The following ZKSCAN4 variants were observed in gnomAD, a reference collection of about 807,000 sequenced individuals.
ZKSCAN4 encodes the protein zinc finger with KRAB and SCAN domains 4.
ZKSCAN4 carries 23 observed loss-of-function variants against 30.8 expected under a neutral mutation model. The observed-to-expected ratio is 0.75, with a 90% CI of 0.54 to 1.06. The LOEUF (loss-of-function observed/expected upper bound fraction) is 1.06, where lower values mean the gene tolerates loss of function less well. ZKSCAN4 is among the 50% of genes least tolerant of loss of function. The pLI is 0.00. For synonymous variants in ZKSCAN4, 208 were observed against 252.5 expected (o/e 0.82, Z 1.67); for missense variants, 556 against 665.4 (o/e 0.84, Z 1.81).
chr6:28,248,719 T>C (rs1760850695), intron 2 of ZKSCAN4, among the ~76,000 whole-genome samples: 1 of 149,892 alleles, frequency 6.7e-6, no homozygotes, highest in Non-Finnish European at 1.5e-5. Context: ...TCCCAGCTAC[T>C]CAGGAGGCTG....
In ZKSCAN4 at chr6:28,245,041, T is replaced by A. The variant is rs1760638401; in HGVS notation, c.*75A>T. The stretch of plus-strand genomic sequence containing the variant: ...AAATAAAGCCCTGGTCCACAATTTC[T>A]GTAACCATTAAGGGCTCCAGGGTGG... On this transcript the variant is annotated 3_prime_UTR_variant, in exon 5 of 5. Transcript: ENST00000377294. 1 of 1,591,866 alleles carries A rather than the reference T, an allele frequency of 6.3e-7. No individual in the cohort carries two copies. Among genetic ancestry groups the A allele is most frequent in the Non-Finnish European group, 8.6e-7 (1 of 1,160,982 alleles).
At chr6:28,250,977 T>C (rs561897775) in intron 1 of ZKSCAN4, among the ~76,000 whole-genome samples, 2 of 152,278 alleles carry the variant, frequency 1.3e-5, no homozygotes, top group South Asian at 2.1e-4. Flanking sequence ...GAGGTAAAAA[T>C]AGGCCCACTT....
At position 28,245,101 on chromosome 6, in the gene ZKSCAN4, C is replaced by T. The variant is rs781616359; in HGVS notation, c.*15G>A. ...AGTGACAAATGAGCACCAATGTTGG[C>T]ATGAATACCATGGGTCACTGTGAAA... On this transcript the variant is annotated 3_prime_UTR_variant, in exon 5 of 5. Coordinates refer to ENST00000377294, the MANE Select transcript of ZKSCAN4 (RefSeq NM_019110.5). 1 of 1,614,086 alleles carries T rather than the reference C, an allele frequency of 6.2e-7. No individual in the cohort carries two copies. Among genetic ancestry groups the T allele is most frequent in the Non-Finnish European group, 8.5e-7 (1 of 1,179,988 alleles).
chr6:28,254,283 T>G (rs1343144366), upstream of ZKSCAN4, among the ~76,000 whole-genome samples: 1 of 152,238 alleles, frequency 6.6e-6, no homozygotes, highest in Non-Finnish European at 1.5e-5. Flanking sequence ...TGCAGTCACA[T>G]TTATACCTAC....
Position 28,244,951 on chromosome 6 carries a change from A to T in ZKSCAN4, c.*165T>A. On this transcript the variant is annotated 3_prime_UTR_variant, in exon 5 of 5. Transcript: ENST00000377294. ...TGACTTCTTCCAATCACTTTCTAGAATGTAGAAGATAACTCATCGTCTCAG... is the reference window on the plus strand; with the variant it reads ...TGACTTCTTCCAATCACTTTCTAGATTGTAGAAGATAACTCATCGTCTCAG... 1.1e-6 allele frequency: 1 copy of T among 894,192 alleles called. No individual in the cohort carries two copies. The highest frequency in any genetic ancestry group is 1.8e-6 in the Non-Finnish European group (1 of 551,352). The allele number at this position is 894,192 out of a possible 1,614,324, so 55.4% of individuals were successfully genotyped here.
At chr6:28,246,169 G>T in intron 4 of ZKSCAN4, 194 bp from the exon 5 acceptor site, 1 of 701,782 alleles carries the variant, frequency 1.4e-6, no homozygotes, top group Non-Finnish European at 2.3e-6. Flanking sequence ...GAATGAGAAT[G>T]GGGCCATTGG....
the ZKSCAN4 span, among the ~76,000 whole-genome samples, chr6:28,257,471 G>A: frequency 6.6e-6 from 1 of 152,114 alleles, no homozygotes; most frequent in African/African-American, 2.4e-5. Context: ...GTTGATAGGT[G>A]CAGCAAAGCA....
At position 28,243,369 on chromosome 6, in the gene ZKSCAN4, G is replaced by A. The variant is rs1329206104; in HGVS notation, c.*1747C>T. Reference sequence around the variant, plus strand: ...ATTTGAGGATAGACAAGAACACGATGCTGGTGACTGAATAAAACATGGTCA... The same window carrying A: ...ATTTGAGGATAGACAAGAACACGATACTGGTGACTGAATAAAACATGGTCA... On this transcript the variant is annotated 3_prime_UTR_variant, in exon 5 of 5. Transcript: ENST00000377294. 6.6e-6 allele frequency among the ~76,000 whole-genome samples: 1 copy of A among 152,200 alleles called. No homozygotes were observed. The highest frequency in any genetic ancestry group is 6.5e-5 in the Admixed American group (1 of 15,282).
chr6:28,249,981 AT>A lies in ZKSCAN4; in HGVS notation c.424-148del. 1 of 925,560 alleles carries A rather than the reference AT, an allele frequency of 1.1e-6. No individual in the cohort carries two copies. The highest frequency in any genetic ancestry group is 1.6e-6 in the Non-Finnish European group (1 of 635,104). 57.3% of individuals were successfully genotyped at this position (925,560 alleles called of 1,614,324 possible). A position where few individuals can be genotyped will look rare whatever the true frequency, so the allele number is the denominator to read the frequency against. ...ACAACCCTGTGAGCTATTATTTTGG[AT>A]TTTTATGATAAGTTGCTGAAAACGG... On this transcript the variant is annotated intron_variant, in intron 1 of 4. Transcript: ENST00000377294. The surrounding 1 kb of genome is among the most constrained non-coding windows in gnomAD (Gnocchi z 4.1).
At chr6:28,246,655 C>T (rs1375194655) in intron 4 of ZKSCAN4, among the ~76,000 whole-genome samples, 1 of 152,142 alleles carries the variant, frequency 6.6e-6, no homozygotes, top group Non-Finnish European at 1.5e-5. Flanking sequence ...AGGCCCCCCC[C>T]TCCCCGCAGC....
At position 28,245,738 on chromosome 6, in the gene ZKSCAN4, C is replaced by T; in HGVS notation, c.1016G>A (p.Arg339Lys). Residue 339 changes from arginine to lysine, a missense_variant, in exon 5 of 5, where the codon AGG (arginine) becomes AAG (lysine). Arg to Lys is a conservative substitution (Grantham distance 26). Around this residue, in one of 3 missense-constraint regions of ZKSCAN4, gnomAD observed 433 missense variants for 511.5 expected, o/e 0.85. Transcript: ENST00000377294. Reference sequence around the variant, plus strand: ...GGGTTTCTCACCAGTGTGGATTCTCCTGTGTTTAGTCAGGCCTGAACTTTG... The same window carrying T: ...GGGTTTCTCACCAGTGTGGATTCTCTTGTGTTTAGTCAGGCCTGAACTTTG... ...FAQSSGLTKH[R>K]RIHTGEKPYE... The T allele has an allele frequency of 6.2e-7, 1 of 1,614,246 alleles. No individual in the cohort carries two copies. The highest frequency in any genetic ancestry group is 8.5e-7 in the Non-Finnish European group (1 of 1,180,044).
chr6:28,258,182 A>G, the ZKSCAN4 span, among the ~76,000 whole-genome samples: 1 of 152,228 alleles, frequency 6.6e-6, no homozygotes. Flanking sequence ...GAGTTCTAGC[A>G]TCAGGAAGGC....
chr6:28,253,536 T>A (rs994683153), upstream of ZKSCAN4, among the ~76,000 whole-genome samples: 6 of 152,206 alleles, frequency 3.9e-5, no homozygotes, highest in African/African-American at 1.4e-4. The surrounding 1 kb of genome is among the most constrained non-coding windows in gnomAD (Gnocchi z 4.2). Flanking sequence ...TCTAAGTACT[T>A]TTCTAGATCC....
In ZKSCAN4 at chr6:28,245,277, C is replaced by T. The variant is rs1488211658; in HGVS notation, c.1477G>A (p.Glu493Lys). Residue 493 changes from glutamate to lysine, a missense_variant, in exon 5 of 5, where the codon GAG (glutamate) becomes AAG (lysine). This residue lies in a region of ZKSCAN4 where 433 missense variants were observed against 511.5 expected (regional missense o/e 0.85). Transcript: ENST00000377294. ...CTTCTATTCCGTGTGAAACTTCTCT[C>T]ACACTCATTACATTTATAAGACACG... Reference protein sequence around the residue: ...APVSYKCNECERSFTRNRSLI... With the variant: ...APVSYKCNECKRSFTRNRSLI... 3 of 1,613,968 alleles carry T rather than the reference C, an allele frequency of 1.9e-6. No individual in the cohort carries two copies. Among genetic ancestry groups the T allele is most frequent in the South Asian group, 2.2e-5 (2 of 91,058 alleles).
rs1219950248 is a variant in ZKSCAN4 at position 28,248,845 on chromosome 6, GA to G, written c.572-697del. On this transcript the variant is annotated intron_variant, in intron 2 of 4. Transcript: ENST00000377294. Reference sequence around the variant, plus strand: ...CCATCTCAAAAAAAAAAAAAAAAAAGAAAAAAGAAAAAGAAAAACTAGGAGG... The same window carrying G: ...CCATCTCAAAAAAAAAAAAAAAAAAGAAAAAGAAAAAGAAAAACTAGGAGG... Among the ~76,000 whole-genome samples, 270 of 120,738 alleles carry G rather than the reference GA, an allele frequency of 2.2e-3. 2 individuals are homozygous for G. Among genetic ancestry groups the G allele is most frequent in the African/African-American group, 8.9e-3 (255 of 28,758 alleles). 79.2% of individuals were successfully genotyped at this position (120,738 alleles called of 152,430 possible).
intron 4 of ZKSCAN4, among the ~76,000 whole-genome samples, chr6:28,246,400 G>A (rs546542351): frequency 2.0e-5 from 3 of 152,236 alleles, no homozygotes; most frequent in South Asian, 4.1e-4. Flanking sequence ...ACTGGTGATC[G>A]ATCAATGACA....
chr6:28,258,722 C>T, the ZKSCAN4 span, among the ~76,000 whole-genome samples: 1 of 150,604 alleles, frequency 6.6e-6, no homozygotes, highest in Non-Finnish European at 1.5e-5. Context: ...GAGCCATGAT[C>T]GTGCCACTGC....
At position 28,245,759 on chromosome 6, in the gene ZKSCAN4, C is replaced by T; in HGVS notation, c.995G>A (p.Ser332Asn). 1 of 1,614,244 alleles carries T rather than the reference C, an allele frequency of 6.2e-7. No individual in the cohort carries two copies. Among genetic ancestry groups the T allele is most frequent in the African/African-American group, 1.3e-5 (1 of 75,050 alleles). Residue 332 changes from serine (S) to asparagine (N), a missense_variant, in exon 5 of 5, where the codon AGT becomes AAT. Ser to Asn is a conservative substitution (Grantham distance 46, BLOSUM62 1). Coordinates refer to ENST00000377294, the MANE Select transcript of ZKSCAN4 (RefSeq NM_019110.5). ...CHECGKSFAQ[S>N]SGLTKHRRIH... ...TCTCCTGTGTTTAGTCAGGCCTGAA[C>T]TTTGAGCAAAACTCTTTCCACATTC...
At chr6:28,246,028 A>G (rs1297088092) in intron 4 of ZKSCAN4, 53 bp from the exon 5 acceptor site, 12 of 1,613,214 alleles carry the variant, frequency 7.4e-6, no homozygotes, top group African/African-American at 2.7e-5. Flanking sequence ...ATGGGAGGAA[A>G]GCTCTGTGAT....
Sources: allele counts gnomAD v4.1 joint callset (sites outside exome capture counted in the v4.1 genomes callset), GRCh38; gene constraint gnomAD v4.1.1; regional missense constraint gnomAD v4.1.1; non-coding constraint Gnocchi (gnomAD v3.1); transcripts MANE v1.5; gene names NCBI Gene and HGNC (gene_info 2026-07-23, HGNC 2026-07-21).